TSC22D1: variants seen among roughly 807,000 people sequenced by gnomAD.
TSC22D1 encodes the protein TSC22 domain family protein 1.
TSC22D1 carries 9 observed loss-of-function variants against 74.2 expected under a neutral mutation model. The observed-to-expected ratio is 0.12, with a 90% CI of 0.07 to 0.21. The LOEUF is 0.21. Ranked by LOEUF, TSC22D1 falls within the 10% of genes least tolerant of loss-of-function variation. The pLI is 1.00. For missense variants in TSC22D1, 1,427 were observed against 1,304.7 expected (o/e 1.09, Z -1.44); for synonymous variants, 586 against 492.5 (o/e 1.19, Z -2.51).
intron 1 of TSC22D1, among the ~76,000 whole-genome samples, chr13:44,542,274 C>G: frequency 6.6e-6 from 1 of 151,934 alleles, no homozygotes; most frequent in Admixed American, 6.6e-5. Context: ...AGGAAATACA[C>G]CTCGTAATTT....
intron 1 of TSC22D1, among the ~76,000 whole-genome samples, chr13:44,517,831 A>G (rs185582417): frequency 0.025 from 355 of 14,364 alleles, 12 homozygotes; most frequent in Middle Eastern, 0.083. Context: ...GTGTGTGTGT[A>G]TATATATATA....
chr13:44,573,950 A>T lies in TSC22D1; in HGVS notation c.2125T>A (p.Ser709Thr). ...GGAGCCTGGCCAACAGGCTGGACAGATGCCCCTGCAGGTTGTGCTGGGACT... is the reference window on the plus strand; with the variant it reads ...GGAGCCTGGCCAACAGGCTGGACAGTTGCCCCTGCAGGTTGTGCTGGGACT... Reference protein sequence around the residue: ...TAVPAQPAGASVQPVGQAPAA... With the variant: ...TAVPAQPAGATVQPVGQAPAA... The change falls in exon 1 of 3, where the codon TCT becomes ACT. Residue 709 changes from serine (S) to threonine (T), a missense_variant. Ser to Thr is a moderately conservative substitution (Grantham distance 58, BLOSUM62 1). Coordinates refer to ENST00000458659, the MANE Select transcript of TSC22D1 (RefSeq NM_183422.4). The T allele has an allele frequency of 6.2e-7, 1 of 1,614,122 alleles. No homozygotes were observed. The highest frequency in any genetic ancestry group is 1.1e-5 in the South Asian group (1 of 91,088).
chr13:44,470,087 G>A (rs1278235053), intron 1 of TSC22D1, among the ~76,000 whole-genome samples: 1 of 152,142 alleles, frequency 6.6e-6, no homozygotes, highest in African/African-American at 2.4e-5. Context: ...CTCCCCTTAA[G>A]GTAGGGCTCA....
intron 1 of TSC22D1, among the ~76,000 whole-genome samples, chr13:44,487,521 A>AAG (rs1878496144): frequency 6.8e-6 from 1 of 147,814 alleles, no homozygotes; most frequent in Admixed American, 6.7e-5. Flanking sequence ...AAAAAAAAAA[A>AAG]AAAAAAGAAA....
intron 1 of TSC22D1, among the ~76,000 whole-genome samples, chr13:44,570,124 C>T (rs919327897): frequency 1.3e-5 from 2 of 151,948 alleles, no homozygotes; most frequent in African/African-American, 4.8e-5. Context: ...AGATGCAATA[C>T]CTGTATTTTC....
At chr13:44,558,094 G>C (rs1882804628) in intron 1 of TSC22D1, among the ~76,000 whole-genome samples, 1 of 152,198 alleles carries the variant, frequency 6.6e-6, no homozygotes, top group Non-Finnish European at 1.5e-5. Flanking sequence ...AAAGTCTATA[G>C]TGTCAAATGC....
At position 44,539,295 on chromosome 13, in the gene TSC22D1, TA is replaced by T. The variant is rs1438395747; in HGVS notation, c.2912+33867del. 1.1e-5 allele frequency: 11 copies of T among 985,256 alleles called. No individual in the cohort carries two copies. In the Admixed American group the frequency reaches 6.2e-4, roughly 55 times the overall value. 61.0% of individuals were successfully genotyped at this position (985,256 alleles called of 1,614,324 possible). A position where few individuals can be genotyped will look rare whatever the true frequency, so the allele number is the denominator to read the frequency against. On this transcript the variant is annotated intron_variant, in intron 1 of 2. Transcript: ENST00000458659. ...TCATTGCATCTTTTAAAAGATCTAA[TA>T]TGAAGTCCTAACATTTGAGGTAGGA...
chr13:44,507,733 G>T (rs938230624), intron 1 of TSC22D1, among the ~76,000 whole-genome samples: 2 of 152,158 alleles, frequency 1.3e-5, no homozygotes, highest in African/African-American at 4.8e-5. Context: ...AGACTTCAAA[G>T]AATTTTCACT....
chr13:44,477,887 C>T (rs1013922710), intron 1 of TSC22D1, among the ~76,000 whole-genome samples: 2 of 152,008 alleles, frequency 1.3e-5, no homozygotes, highest in South Asian at 2.1e-4. Flanking sequence ...GTGATCTGCC[C>T]GCCTCAGCCT....
chr13:44,550,226 G>T (rs1188814692), intron 1 of TSC22D1, among the ~76,000 whole-genome samples: 1 of 152,140 alleles, frequency 6.6e-6, no homozygotes, highest in Non-Finnish European at 1.5e-5. Flanking sequence ...ACGGATCTTA[G>T]TTTATGTCTT....
chr13:44,576,421 C>T (rs1407388453), upstream of TSC22D1: 7 of 222,168 alleles, frequency 3.2e-5, no homozygotes, highest in South Asian at 8.1e-4. Context: ...GGAGGAAAAG[C>T]GAGAAATGCC....
intron 1 of TSC22D1, among the ~76,000 whole-genome samples, chr13:44,453,322 T>C (rs1157942089): frequency 6.6e-6 from 1 of 152,200 alleles, no homozygotes; most frequent in African/African-American, 2.4e-5. Flanking sequence ...TGCATGACTA[T>C]TAGTGCACTG....
chr13:44,487,681 A>C (rs1231500715), intron 1 of TSC22D1, among the ~76,000 whole-genome samples: 1 of 151,698 alleles, frequency 6.6e-6, no homozygotes, highest in Non-Finnish European at 1.5e-5. Flanking sequence ...TTAGAAAATC[A>C]AGAAAGATCA....
At chr13:44,565,608 T>C (rs1883321535) in intron 1 of TSC22D1, among the ~76,000 whole-genome samples, 1 of 152,196 alleles carries the variant, frequency 6.6e-6, no homozygotes, top group Non-Finnish European at 1.5e-5. Context: ...GTTCTTACCA[T>C]GACATTTTCA....
rs566523217 is a variant in TSC22D1, at chr13:44,496,467, G to C, written c.2913-60372C>G. Reference sequence around the variant, plus strand: ...GGAGGCCGAGGCGGGTGGATCACCTGAGGGCAGGAGTTCGAGACCAGCCTG... The same window carrying C: ...GGAGGCCGAGGCGGGTGGATCACCTCAGGGCAGGAGTTCGAGACCAGCCTG... On this transcript the variant is annotated intron_variant, in intron 1 of 2. Transcript: ENST00000458659. Among the ~76,000 whole-genome samples the C allele has an allele frequency of 2.0e-5, 3 of 152,264 alleles. No homozygotes were observed. The East Asian group carries it at 5.8e-4, about 29-fold the overall frequency.
chr13:44,480,228 T>C (rs187288085), intron 1 of TSC22D1, among the ~76,000 whole-genome samples: 267 of 152,358 alleles, frequency 1.8e-3, no homozygotes, highest in Middle Eastern at 3.4e-3. Flanking sequence ...CATTTTAATA[T>C]AGCATGAATT....
At chr13:44,499,524 C>T (rs1394252079) in intron 1 of TSC22D1, among the ~76,000 whole-genome samples, 1 of 152,112 alleles carries the variant, frequency 6.6e-6, no homozygotes, top group Non-Finnish European at 1.5e-5. Flanking sequence ...GCCCACTTTA[C>T]AACATCTATA....
chr13:44,512,669 G>GT (rs1307058817), intron 1 of TSC22D1, among the ~76,000 whole-genome samples: 5 of 151,428 alleles, frequency 3.3e-5, no homozygotes, highest in South Asian at 2.1e-4. Flanking sequence ...TTTTTGTTTT[G>GT]TTTTTTGAGA....
intron 1 of TSC22D1, among the ~76,000 whole-genome samples, chr13:44,508,264 A>C (rs553604864): frequency 6.6e-6 from 1 of 152,334 alleles, no homozygotes; most frequent in South Asian, 2.1e-4. Flanking sequence ...GGATGTTCAA[A>C]GACAGCTGAC....
Sources: allele counts gnomAD v4.1 joint callset (sites outside exome capture counted in the v4.1 genomes callset), GRCh38; gene constraint gnomAD v4.1.1; transcripts MANE v1.5; gene names NCBI Gene and HGNC (gene_info 2026-07-23, HGNC 2026-07-21).